The following RYR2 variants were observed in gnomAD, a reference collection of about 807,000 sequenced individuals.
RYR2 encodes cardiac muscle ryanodine receptor-calcium release channel.
A neutral mutation model predicts 601.1 loss-of-function variants in RYR2; 227 were observed. The observed-to-expected ratio is 0.38, with a 90% CI of 0.34 to 0.42. The LOEUF is 0.42. Among genes scored for constraint, RYR2 ranks in the 10% least tolerant of loss-of-function variants. RYR2 has a pLI of 1.00. For synonymous variants in RYR2, 2,223 were observed against 2,175.1 expected, an observed-to-expected ratio of 1.02 and a Z score of -0.61; for missense variants, 4,646 against 6,156.5, an observed-to-expected ratio of 0.75 and a Z score of 8.21.
intron 17 of RYR2, among the ~76,000 whole-genome samples, chr1:237,472,568 T>C (rs1303651937): frequency 6.6e-6 from 1 of 152,168 alleles, no homozygotes; most frequent in Non-Finnish European, 1.5e-5. Context: ...AACAACATTT[T>C]CAGCTATATT....
chr1:237,641,272 A>G (rs914439896), intron 47 of RYR2, among the ~76,000 whole-genome samples: 18 of 152,162 alleles, frequency 1.2e-4, no homozygotes, highest in African/African-American at 3.4e-4. Context: ...CCACATTTTA[A>G]GAAGAAAAGA....
chr1:237,334,722 T>A (rs549538566), intron 3 of RYR2, among the ~76,000 whole-genome samples: 86 of 152,288 alleles, frequency 5.6e-4, no homozygotes, highest in African/African-American at 2.0e-3. Flanking sequence ...TGCTGTTCTT[T>A]CTATTTCCCC....
intron 71 of RYR2, among the ~76,000 whole-genome samples, chr1:237,714,050 G>A (rs1322189281): frequency 6.6e-6 from 1 of 151,712 alleles, no homozygotes; most frequent in Non-Finnish European, 1.5e-5. Context: ...TGTGCTTTCT[G>A]TTCATAATGT....
At chr1:237,459,037 C>G (rs1233277570) in intron 16 of RYR2, among the ~76,000 whole-genome samples, 1 of 152,204 alleles carries the variant, frequency 6.6e-6, no homozygotes, top group Non-Finnish European at 1.5e-5. Flanking sequence ...TTGGATTCAT[C>G]ATTTTACCCA....
intron 1 of RYR2, among the ~76,000 whole-genome samples, chr1:237,264,992 G>A (rs575318899): frequency 1.8e-4 from 27 of 151,948 alleles, no homozygotes; most frequent in Non-Finnish European, 2.9e-4. Context: ...ATTGTGCCTG[G>A]CCCAGACTCA....
chr1:237,583,204 T>G (rs994869768), intron 29 of RYR2, among the ~76,000 whole-genome samples: 10 of 152,194 alleles, frequency 6.6e-5, no homozygotes, highest in Admixed American at 2.0e-4. Context: ...TTCATGTTTG[T>G]TGGCTGCTTG....
chr1:237,314,298 T>G (rs574548154), intron 2 of RYR2, among the ~76,000 whole-genome samples: 1 of 151,956 alleles, frequency 6.6e-6, no homozygotes, highest in Non-Finnish European at 1.5e-5. Context: ...TCTCCTGACC[T>G]CATGATCCAC....
chr1:237,208,958 A>ATATATATATATATATG (rs1682165227), intron 1 of RYR2, among the ~76,000 whole-genome samples: 1 of 99,958 alleles, frequency 1.0e-5, no homozygotes, highest in Admixed American at 1.1e-4. Context: ...ATATATATAT[A>ATATATATATATATATG]TATATATATA....
intron 47 of RYR2, among the ~76,000 whole-genome samples, chr1:237,642,054 G>C (rs560091286): frequency 1.3e-5 from 2 of 152,314 alleles, no homozygotes; most frequent in Admixed American, 1.3e-4. Context: ...CCCAGAGTTT[G>C]AGAGTTTGAA....
intron 1 of RYR2, among the ~76,000 whole-genome samples, chr1:237,223,712 T>C (rs1684068678): frequency 6.6e-6 from 1 of 152,246 alleles, no homozygotes; most frequent in African/African-American, 2.4e-5. Context: ...AGAAATTATA[T>C]GGCCACACCA....
intron 63 of RYR2, among the ~76,000 whole-genome samples, chr1:237,688,263 A>G (rs1214506885): frequency 6.6e-6 from 1 of 152,188 alleles, no homozygotes; most frequent in Non-Finnish European, 1.5e-5. Flanking sequence ...GTTTTGAGAC[A>G]GTGTTGGAGT....
At chr1:237,684,543 AATT>A (rs1273605457) in intron 62 of RYR2, among the ~76,000 whole-genome samples, 4 of 152,172 alleles carry the variant, frequency 2.6e-5, no homozygotes. Context: ...TTGGTGCTGA[AATT>A]TCAACTCTGG....
At chr1:237,244,090 C>T (rs1212247430) in intron 1 of RYR2, among the ~76,000 whole-genome samples, 1 of 152,112 alleles carries the variant, frequency 6.6e-6, no homozygotes, top group Non-Finnish European at 1.5e-5. Flanking sequence ...AACTGACAGT[C>T]TGGAGAGTGG....
At chr1:237,525,088 T>C (rs1183298732) in intron 24 of RYR2, among the ~76,000 whole-genome samples, 1 of 152,172 alleles carries the variant, frequency 6.6e-6, no homozygotes, top group African/African-American at 2.4e-5. Context: ...AACATTGTAC[T>C]TGACAGGTAA....
At chr1:237,189,754 G>T (rs866188624) in intron 1 of RYR2, among the ~76,000 whole-genome samples, 2 of 152,136 alleles carry the variant, frequency 1.3e-5, no homozygotes, top group East Asian at 1.9e-4. Context: ...TGTGTAAGCC[G>T]CCCAGTCTAT....
intron 1 of RYR2, among the ~76,000 whole-genome samples, chr1:237,146,017 T>C (rs1673959844): frequency 6.6e-6 from 1 of 152,162 alleles, no homozygotes; most frequent in Admixed American, 6.5e-5. Context: ...AATGTTAGAG[T>C]AAAATTTGCC....
At chr1:237,742,267 C>A in intron 79 of RYR2, 29 bp from the exon 80 acceptor site, 2 of 1,225,556 alleles carry the variant, frequency 1.6e-6, no homozygotes, top group Non-Finnish European at 2.3e-6. Flanking sequence ...ATATTCCTGT[C>A]TCCTTTTTTT....
At position 237,198,930 on chromosome 1, in the gene RYR2, C is replaced by T. The variant is rs1178526255; in HGVS notation, c.49-71567C>T. 4.0e-5 allele frequency among the ~76,000 whole-genome samples: 6 copies of T among 151,762 alleles called. No homozygotes were observed. In the South Asian group the frequency reaches 1.0e-3, roughly 26 times the overall value. On this transcript the variant is annotated intron_variant, in intron 1 of 104. Transcript: ENST00000366574. ...AACTTGAAAAATTATAGGCTAACCA[C>T]TTTGGTTAGGTTTTCTTCATTTGCA...
intron 2 of RYR2, among the ~76,000 whole-genome samples, chr1:237,315,806 A>C (rs1311865996): frequency 2.0e-5 from 3 of 152,214 alleles, no homozygotes; most frequent in Non-Finnish European, 4.4e-5. Context: ...AGAAATGAAA[A>C]TGTGTTTGTG....
Sources: allele counts gnomAD v4.1 joint callset (sites outside exome capture counted in the v4.1 genomes callset), GRCh38; gene constraint gnomAD v4.1.1; transcripts MANE v1.5; gene names NCBI Gene and HGNC (gene_info 2026-07-23, HGNC 2026-07-21).